Variants in SRP68 observed in about 807,000 individuals in gnomAD.
SRP68 encodes the protein signal recognition particle subunit SRP68.
A neutral mutation model predicts 82.2 loss-of-function variants in SRP68; 15 were observed. That is an observed-to-expected ratio of 0.18 (90% CI 0.12 to 0.28). The LOEUF (loss-of-function observed/expected upper bound fraction) is 0.28. Among genes scored for constraint, SRP68 ranks in the 10% least tolerant of loss-of-function variants. The pLI, the probability that SRP68 is intolerant of heterozygous loss-of-function variation, is 1.00. For synonymous variants in SRP68, 261 were observed against 292.6 expected (o/e 0.89, Z 1.10); for missense variants, 595 against 780.5 (o/e 0.76, Z 2.83).
chr17:76,062,585 TA>T (rs1567934786), intron 4 of SRP68, among the ~76,000 whole-genome samples: 14 of 99,450 alleles, frequency 1.4e-4, no homozygotes, highest in Admixed American at 2.9e-4. Flanking sequence ...ATACATTATA[TA>T]ATATATAATA....
At chr17:76,050,289 A>C in intron 9 of SRP68, 139 bp downstream of exon 9, 21 of 558,892 alleles carry the variant, frequency 3.8e-5, no homozygotes, top group East Asian at 6.4e-5. Flanking sequence ...CTCCCTTACG[A>C]CCTCACCTCA....
chr17:76,061,424 T>G, intron 5 of SRP68, 68 bp downstream of exon 5: 1 of 1,374,578 alleles, frequency 7.3e-7, no homozygotes, highest in Admixed American at 1.7e-5. Flanking sequence ...ATCCACTATC[T>G]GATCTGCAGC....
In SRP68 at chr17:76,039,609, A is replaced by G; in HGVS notation, c.*97T>C. The G allele has an allele frequency of 8.2e-7, 1 of 1,215,840 alleles. No homozygotes were observed. Among genetic ancestry groups the G allele is most frequent in the Non-Finnish European group, 1.2e-6 (1 of 857,876 alleles). 75.3% of individuals were successfully genotyped at this position (1,215,840 alleles called of 1,614,324 possible). ...AGATGTTAAACTCTTGCCCCGGGCC[A>G]ATGCAGACCTGGATTTAATATCATG... On this transcript the variant is annotated 3_prime_UTR_variant, in exon 16 of 16. Coordinates refer to ENST00000307877, the MANE Select transcript of SRP68 (RefSeq NM_014230.4).
In SRP68 at chr17:76,039,704, G is replaced by C; in HGVS notation, c.*2C>G. On this transcript the variant is annotated 3_prime_UTR_variant, in exon 16 of 16. Coordinates refer to ENST00000307877, the MANE Select transcript of SRP68 (RefSeq NM_014230.4). Reference sequence around the variant, plus strand: ...CTCCCCCGCCCCCGAGGAAGAGCCTGGTTAGCTCCTGAATCCAAAGATGCC... The same window carrying C: ...CTCCCCCGCCCCCGAGGAAGAGCCTCGTTAGCTCCTGAATCCAAAGATGCC... The C allele has an allele frequency of 1.2e-6, 2 of 1,610,884 alleles. No homozygotes were observed. The highest frequency in any genetic ancestry group is 1.1e-5 in the South Asian group (1 of 91,054).
intron 13 of SRP68, 61 bp downstream of exon 13, chr17:76,043,768 C>G: frequency 6.6e-7 from 1 of 1,510,858 alleles, no homozygotes; most frequent in Non-Finnish European, 8.8e-7. Flanking sequence ...CCTCACAGCT[C>G]CTCCACAGCT....
At chr17:76,058,146 A>G (rs1411839977) in intron 7 of SRP68, among the ~76,000 whole-genome samples, 1 of 117,334 alleles carries the variant, frequency 8.5e-6, no homozygotes, top group East Asian at 2.4e-4. Context: ...CTAATTTAAG[A>G]AAAAAAAAAA....
In SRP68 at chr17:76,072,134, T is replaced by C. The variant is rs2066857465; in HGVS notation, c.184+174A>G. On this transcript the variant is annotated intron_variant, in intron 1 of 15. Transcript: ENST00000307877. The surrounding 1 kb of genome is among the most constrained non-coding windows in gnomAD (Gnocchi z 4.5). ...CGGCGAGGGGGACACGAGGAAAGAC[T>C]AGTCGAGAGACAGACCCCCCCCGGA... 2.6e-5 allele frequency: 32 copies of C among 1,244,604 alleles called. No individual in the cohort carries two copies. The highest frequency in any genetic ancestry group is 3.2e-5 in the Non-Finnish European group (29 of 907,504). The allele number at this position is 1,244,604 out of a possible 1,614,324, so 77.1% of individuals were successfully genotyped here.
chr17:76,046,220 A>G (rs1381944622), intron 10 of SRP68, 26 bp from the exon 11 acceptor site: 3 of 1,600,898 alleles, frequency 1.9e-6, no homozygotes, highest in Non-Finnish European at 2.6e-6. Flanking sequence ...AGTCAGCTCA[A>G]GTTATACTCA....
At chr17:76,045,453 C>G in intron 11 of SRP68, 67 bp from the exon 12 acceptor site, 1 of 1,272,254 alleles carries the variant, frequency 7.9e-7, no homozygotes, top group Non-Finnish European at 1.1e-6. Context: ...TGACAGAAGA[C>G]CTTGTAAGAA....
At chr17:76,062,586 A>AT (rs71161253) in intron 4 of SRP68, among the ~76,000 whole-genome samples, 1 of 89,886 alleles carries the variant, frequency 1.1e-5, no homozygotes, top group African/African-American at 4.9e-5. Flanking sequence ...TACATTATAT[A>AT]ATATATAATA....
intron 2 of SRP68, among the ~76,000 whole-genome samples, chr17:76,068,584 G>C (rs776355178): frequency 3.2e-4 from 49 of 152,166 alleles, no homozygotes; most frequent in Non-Finnish European, 5.3e-4. Flanking sequence ...ACTGCAGGCA[G>C]GTCTGAAGAA....
chr17:76,052,827 AGAT>A (rs1360120194), intron 8 of SRP68, among the ~76,000 whole-genome samples: 1 of 150,396 alleles, frequency 6.6e-6, no homozygotes, highest in African/African-American at 2.4e-5. Context: ...AAAAATCCCT[AGAT>A]GATGAGTTGA....
chr17:76,052,391 G>T (rs1445802526), intron 8 of SRP68, among the ~76,000 whole-genome samples: 1 of 152,028 alleles, frequency 6.6e-6, no homozygotes, highest in Non-Finnish European at 1.5e-5. Flanking sequence ...TCAGCAACTG[G>T]AATAAGATAC....
rs1158601353 is a variant in SRP68, at chr17:76,062,696, ATATTG to A, written c.562-1127_562-1123del. ...TTATATAATATATAATATACATTAT[ATATTG>A]TATATTATACAATATATTATATTTA... On this transcript the variant is annotated intron_variant, in intron 4 of 15. Transcript: ENST00000307877. Among the ~76,000 whole-genome samples the A allele has an allele frequency of 1.5e-4, 11 of 75,444 alleles. 5 individuals are homozygous for A. Among genetic ancestry groups the A allele is most frequent in the African/African-American group, 9.1e-4 (11 of 12,148 alleles). The allele number at this position is 75,444 out of a possible 152,430, so 49.5% of individuals were successfully genotyped here.
Position 76,072,071 on chromosome 17 carries a change from T to C in SRP68, c.184+237A>G. The stretch of plus-strand genomic sequence containing the variant: ...GGGGCACCAGGGGAAACCTGCCTGA[T>C]ATCCCAGTGCCACTGGAAGAAACGG... On this transcript the variant is annotated intron_variant, in intron 1 of 15. Transcript: ENST00000307877. The surrounding 1 kb of genome is among the most constrained non-coding windows in gnomAD (Gnocchi z 4.5). 2 of 720,848 alleles carry C rather than the reference T, an allele frequency of 2.8e-6. No homozygotes were observed. Among genetic ancestry groups the C allele is most frequent in the Non-Finnish European group, 4.4e-6 (2 of 459,608 alleles). The allele number at this position is 720,848 out of a possible 1,614,324, so 44.7% of individuals were successfully genotyped here.
intron 3 of SRP68, among the ~76,000 whole-genome samples, chr17:76,065,694 A>G (rs2066801287): frequency 6.6e-6 from 1 of 152,090 alleles, no homozygotes; most frequent in South Asian, 2.1e-4. Flanking sequence ...ACTCTCACAA[A>G]TCCTTCAAGG....
intron 11 of SRP68, 35 bp from the exon 12 acceptor site, chr17:76,045,421 A>G: frequency 6.7e-7 from 1 of 1,492,220 alleles, no homozygotes; most frequent in Non-Finnish European, 9.3e-7. Flanking sequence ...ATTCATGAAG[A>G]GTAGATCTTA....
rs746049042 is a variant in SRP68 at position 76,067,186 on chromosome 17, T to C, written c.365+31A>G. The C allele has an allele frequency of 3.4e-6, 5 of 1,492,168 alleles. No individual in the cohort carries two copies. The Admixed American group carries it at 8.4e-5, about 25-fold the overall frequency. The allele number at this position is 1,492,168 out of a possible 1,614,324, so 92.4% of individuals were successfully genotyped here. A position where few individuals can be genotyped will look rare whatever the true frequency, so the allele number is the denominator to read the frequency against. ...GTTCAATAAATGTATTAGCAAGAAG[T>C]AATTTGCAACTAGCATGGAGCAGTC... On this transcript the variant is annotated intron_variant, in intron 3 of 15. Transcript: ENST00000307877.
In SRP68 at chr17:76,072,251, C is replaced by T; in HGVS notation, c.184+57G>A. 3 of 1,602,212 alleles carry T rather than the reference C, an allele frequency of 1.9e-6. No homozygotes were observed. Among genetic ancestry groups the T allele is most frequent in the Non-Finnish European group, 1.7e-6 (2 of 1,176,574 alleles). On this transcript the variant is annotated intron_variant, in intron 1 of 15. Coordinates refer to ENST00000307877, the MANE Select transcript of SRP68 (RefSeq NM_014230.4). This position sits in a 1 kb window ranked among gnomAD's most constrained non-coding sequence, Gnocchi z 4.5. The stretch of plus-strand genomic sequence containing the variant: ...CGGGACCCGCCGCCTCTCCCGCCCC[C>T]AGCCCTCCAGTTCGACACGTAATCA...
Sources: allele counts gnomAD v4.1 joint callset (sites outside exome capture counted in the v4.1 genomes callset), GRCh38; gene constraint gnomAD v4.1.1; non-coding constraint Gnocchi (gnomAD v3.1); transcripts MANE v1.5; gene names NCBI Gene and HGNC (gene_info 2026-07-23, HGNC 2026-07-21).